Variants in PVT1 observed in about 807,000 individuals in gnomAD.
PVT1 encodes Pvt1 oncogene, also known as CXCR4/PVT1 fusion.
At chr8:127,816,743 T>C (rs10481167) in intron 2 of PVT1, among the ~76,000 whole-genome samples, 66,452 of 152,024 alleles carry the variant, frequency 0.44, 14,941 homozygotes, top group African/African-American at 0.53. Flanking sequence ...AGGCTGGTCT[T>C]GAACACCTGA....
chr8:127,833,520 A>G (rs577379992), intron 2 of PVT1, among the ~76,000 whole-genome samples: 1 of 151,770 alleles, frequency 6.6e-6, no homozygotes, highest in African/African-American at 2.4e-5. Flanking sequence ...GTGCAGTGGC[A>G]CAATCTCACT....
chr8:127,986,652 T>TC (rs1816973975), intron 3 of PVT1, among the ~76,000 whole-genome samples: 1 of 152,158 alleles, frequency 6.6e-6, no homozygotes, highest in Non-Finnish European at 1.5e-5. Flanking sequence ...GGCCTGTCAC[T>TC]CTGTGGGTGG....
intron 3 of PVT1, among the ~76,000 whole-genome samples, chr8:127,894,594 A>T (rs1815651011): frequency 6.6e-6 from 1 of 152,198 alleles, no homozygotes; most frequent in African/African-American, 2.4e-5. Context: ...AGATAAGAAT[A>T]AAAAAATTGT....
Position 128,041,499 on chromosome 8 carries a change from A to G in PVT1, n.913-28661A>G, listed in dbSNP as rs111073154. Among the ~76,000 whole-genome samples the G allele has an allele frequency of 3.3e-3, 120 of 36,362 alleles. 1 individual carries two copies. In the East Asian group the frequency reaches 0.15, roughly 46 times the overall value. The allele number at this position is 36,362 out of a possible 152,430, so 23.9% of individuals were successfully genotyped here. A position where few individuals can be genotyped will look rare whatever the true frequency, so the allele number is the denominator to read the frequency against. ...TGTGCCTGGTGCGTATGTGTTTGGT[A>G]TGTGTGTGTGTGTGTATGCATGTGT... On this transcript the variant is annotated intron_variant and non_coding_transcript_variant, in intron 4 of 10. Transcript: ENST00000651587.
At chr8:128,036,536 G>C (rs915291141) in intron 4 of PVT1, among the ~76,000 whole-genome samples, 1 of 152,178 alleles carries the variant, frequency 6.6e-6, no homozygotes, top group Non-Finnish European at 1.5e-5. Flanking sequence ...AGGGGTGCCC[G>C]AGACCCAGCG....
chr8:128,016,759 A>G (rs1052740842), intron 4 of PVT1, among the ~76,000 whole-genome samples: 5 of 152,198 alleles, frequency 3.3e-5, no homozygotes, highest in African/African-American at 1.2e-4. Flanking sequence ...GTGACACGAC[A>G]TGGTTATCCT....
chr8:128,021,367 C>G (rs1219811606), intron 4 of PVT1, among the ~76,000 whole-genome samples: 1 of 139,090 alleles, frequency 7.2e-6, no homozygotes, highest in Non-Finnish European at 1.5e-5. Flanking sequence ...AATCTTGGCT[C>G]ACTGCAAGCT....
intron 3 of PVT1, among the ~76,000 whole-genome samples, chr8:127,916,702 A>G (rs371559340): frequency 3.3e-5 from 5 of 152,114 alleles, no homozygotes; most frequent in African/African-American, 1.2e-4. Context: ...TCCAGGTGAG[A>G]AGCAGGGAGA....
intron 2 of PVT1, among the ~76,000 whole-genome samples, chr8:127,842,226 C>T (rs1049773747): frequency 6.7e-6 from 1 of 148,426 alleles, no homozygotes; most frequent in Non-Finnish European, 1.5e-5. Context: ...AACTGGAAAA[C>T]GGCTTTGCTC....
At chr8:128,032,557 C>T (rs376281185) in intron 4 of PVT1, among the ~76,000 whole-genome samples, 10 of 152,290 alleles carry the variant, frequency 6.6e-5, no homozygotes, top group Admixed American at 5.2e-4. Context: ...ACCATAATTG[C>T]GTCAGTTAAT....
At chr8:128,007,574 G>C (rs1817262423) in intron 4 of PVT1, among the ~76,000 whole-genome samples, 1 of 152,110 alleles carries the variant, frequency 6.6e-6, no homozygotes, top group African/African-American at 2.4e-5. Context: ...GAACAATATA[G>C]TGCACATACA....
intron 4 of PVT1, among the ~76,000 whole-genome samples, chr8:127,996,876 C>T (rs1182993442): frequency 6.6e-6 from 1 of 151,962 alleles, no homozygotes; most frequent in Non-Finnish European, 1.5e-5. Flanking sequence ...CTTGCCAGCC[C>T]TCTGGCTGGG....
chr8:127,984,857 CTTTCTTTCT>C (rs1816929301), intron 3 of PVT1, among the ~76,000 whole-genome samples: 36 of 43,188 alleles, frequency 8.3e-4, no homozygotes, highest in African/African-American at 2.3e-3. Context: ...TTCTTTCTTT[CTTTCTTTCT>C]TTCTTTCTTT....
chr8:128,000,407 C>A (rs908859862), intron 4 of PVT1, among the ~76,000 whole-genome samples: 3 of 152,180 alleles, frequency 2.0e-5, no homozygotes, highest in Non-Finnish European at 4.4e-5. Context: ...AGCAAGGAAC[C>A]AGGAGATCAG....
intron 2 of PVT1, among the ~76,000 whole-genome samples, chr8:127,806,085 A>G (rs887986123): frequency 6.6e-6 from 1 of 152,214 alleles, no homozygotes; most frequent in African/African-American, 2.4e-5. Flanking sequence ...GAATGTATGC[A>G]GAATTCCCAA....
chr8:127,869,076 A>G (rs949568814), intron 2 of PVT1, among the ~76,000 whole-genome samples: 2 of 151,942 alleles, frequency 1.3e-5, no homozygotes, highest in Non-Finnish European at 2.9e-5. Flanking sequence ...TAAAATTACA[A>G]TGAATTATTT....
At chr8:127,901,499 G>A (rs1815758215) in intron 3 of PVT1, among the ~76,000 whole-genome samples, 2 of 152,198 alleles carry the variant, frequency 1.3e-5, no homozygotes, top group Admixed American at 6.5e-5. Flanking sequence ...GTCAGGAGGG[G>A]GAAACTTCTG....
At chr8:127,802,077 G>A (rs1238175522) in intron 2 of PVT1, among the ~76,000 whole-genome samples, 2 of 151,774 alleles carry the variant, frequency 1.3e-5, no homozygotes, top group Admixed American at 1.3e-4. Context: ...CACCACACCT[G>A]GCTAATTTTG....
chr8:127,900,533 A>C (rs893951469), intron 3 of PVT1, among the ~76,000 whole-genome samples: 3 of 152,134 alleles, frequency 2.0e-5, no homozygotes, highest in African/African-American at 7.2e-5. Flanking sequence ...GTGTGTTTTT[A>C]AATTCTTAGG....
Sources: gnomAD v4.1 joint callset for allele counts (sites outside exome capture counted in the v4.1 genomes callset) on GRCh38, gnomAD v4.1.1 for gene constraint, MANE v1.5 for transcripts, NCBI Gene and HGNC (gene_info 2026-07-23, HGNC 2026-07-21) for gene names.